The following PCDH15 variants were observed in gnomAD, a reference collection of about 807,000 sequenced individuals.
The protein encoded by PCDH15 is protocadherin related 15.
A neutral mutation model predicts 178.5 loss-of-function variants in PCDH15; 129 were observed. That is an observed-to-expected ratio of 0.72 (90% CI 0.63 to 0.84). PCDH15 has a LOEUF of 0.84. Ranked by LOEUF, PCDH15 falls within the 40% of genes least tolerant of loss-of-function variation. PCDH15 has a pLI of 0.00. For missense variants in PCDH15, 2,230 were observed against 2,099.9 expected, an observed-to-expected ratio of 1.06 and a Z score of -1.21; for synonymous variants, 800 against 732.0, an observed-to-expected ratio of 1.09 and a Z score of -1.50.
At chr10:55,612,049 T>G (rs887576413) in intron 2 of PCDH15, among the ~76,000 whole-genome samples, 2 of 151,974 alleles carry the variant, frequency 1.3e-5, no homozygotes, top group African/African-American at 4.8e-5. Flanking sequence ...AGAAGATGTA[T>G]TTGTCAAATG....
chr10:54,620,193 T>G (rs578156492), intron 2 of PCDH15, among the ~76,000 whole-genome samples: 58 of 152,082 alleles, frequency 3.8e-4, no homozygotes, highest in African/African-American at 1.4e-3. Flanking sequence ...GACCCCCAAC[T>G]CAATAACTTA....
chr10:55,460,216 T>C (rs1322722339), intron 2 of PCDH15, among the ~76,000 whole-genome samples: 2 of 151,704 alleles, frequency 1.3e-5, no homozygotes, highest in Non-Finnish European at 2.9e-5. Flanking sequence ...AATATCTTAT[T>C]AGTGGGTATT....
intron 2 of PCDH15, among the ~76,000 whole-genome samples, chr10:54,953,111 T>G (rs1838388350): frequency 6.6e-6 from 1 of 151,572 alleles, no homozygotes. Context: ...ATTAAGTACG[T>G]TAAGCATGTT....
chr10:54,046,642 G>A (rs868748271), intron 18 of PCDH15, among the ~76,000 whole-genome samples: 4 of 152,056 alleles, frequency 2.6e-5, no homozygotes, highest in African/African-American at 7.2e-5. Flanking sequence ...AATTAACATA[G>A]TGGTTAACTC....
chr10:55,295,948 AG>A (rs144634097), intron 1 of PCDH15, among the ~76,000 whole-genome samples: 2,145 of 152,238 alleles, frequency 0.014, 53 homozygotes, highest in African/African-American at 0.048. Flanking sequence ...CACAAGTCCC[AG>A]GTAGTCACTT....
intron 3 of PCDH15, among the ~76,000 whole-genome samples, chr10:54,383,980 A>C (rs1277683903): frequency 7.8e-6 from 1 of 128,908 alleles, no homozygotes; most frequent in African/African-American, 2.9e-5. Context: ...CACCACAAAC[A>C]GTTAATTTTT....
chr10:54,511,173 A>G (rs777314925), intron 3 of PCDH15, among the ~76,000 whole-genome samples: 1 of 152,178 alleles, frequency 6.6e-6, no homozygotes, highest in Non-Finnish European at 1.5e-5. Flanking sequence ...TCCTGTTAAA[A>G]TTGCTGCAGC....
intron 2 of PCDH15, among the ~76,000 whole-genome samples, chr10:55,371,507 G>T (rs1845507864): frequency 6.6e-6 from 1 of 152,082 alleles, no homozygotes; most frequent in African/African-American, 2.4e-5. Flanking sequence ...GAAGTTGATT[G>T]GATCATGGGG....
At chr10:55,178,342 T>C (rs1017608141) in intron 1 of PCDH15, among the ~76,000 whole-genome samples, 2 of 152,082 alleles carry the variant, frequency 1.3e-5, no homozygotes, top group African/African-American at 4.8e-5. Context: ...GAAATAAAAC[T>C]TCAATATTCT....
At chr10:54,075,998 A>G (rs900985153) in intron 17 of PCDH15, among the ~76,000 whole-genome samples, 1 of 152,170 alleles carries the variant, frequency 6.6e-6, no homozygotes, top group African/African-American at 2.4e-5. Flanking sequence ...TACAAATAAC[A>G]TCATTGGGAT....
chr10:55,334,368 C>T (rs911705682), intron 2 of PCDH15, among the ~76,000 whole-genome samples: 28 of 147,248 alleles, frequency 1.9e-4, no homozygotes, highest in Middle Eastern at 3.5e-3. Flanking sequence ...AGTGCAATGG[C>T]GTGATCTCGG....
chr10:55,521,699 C>T (rs1841180171), intron 2 of PCDH15, among the ~76,000 whole-genome samples: 1 of 151,848 alleles, frequency 6.6e-6, no homozygotes, highest in African/African-American at 2.4e-5. Context: ...ATTTTATTTA[C>T]ATTGGGTATA....
chr10:54,502,338 C>A (rs749716973), intron 3 of PCDH15, among the ~76,000 whole-genome samples: 4 of 152,042 alleles, frequency 2.6e-5, no homozygotes, highest in Non-Finnish European at 5.9e-5. Flanking sequence ...ATCTTTCCAG[C>A]CATTCTATTT....
At chr10:53,907,758 C>A (rs948593104) in intron 25 of PCDH15, among the ~76,000 whole-genome samples, 1 of 152,108 alleles carries the variant, frequency 6.6e-6, no homozygotes, top group Admixed American at 6.6e-5. Context: ...TAGTCAAGCT[C>A]AGGGGAAAAT....
intron 2 of PCDH15, among the ~76,000 whole-genome samples, chr10:55,444,187 G>A (rs1450590858): frequency 6.6e-6 from 1 of 151,708 alleles, no homozygotes; most frequent in African/African-American, 2.4e-5. Context: ...TAATGTAGAT[G>A]ATGGGTGGAT....
At chr10:54,312,730 C>G (rs1372730007) in intron 8 of PCDH15, among the ~76,000 whole-genome samples, 4 of 152,052 alleles carry the variant, frequency 2.6e-5, no homozygotes, top group Admixed American at 6.6e-5. Flanking sequence ...GCACCCAGCC[C>G]TCAGTTAAAG....
chr10:55,157,354 G>A (rs1340182191), intron 2 of PCDH15, among the ~76,000 whole-genome samples: 3 of 149,050 alleles, frequency 2.0e-5, no homozygotes, highest in Non-Finnish European at 4.4e-5. Context: ...TACACTGTTG[G>A]TGGGACTGTA....
At chr10:55,010,552 A>ATGACAAGAAGTCAGCCATGTCAT (rs1840025061) in intron 2 of PCDH15, among the ~76,000 whole-genome samples, 1 of 152,142 alleles carries the variant, frequency 6.6e-6, no homozygotes, top group Admixed American at 6.6e-5. Context: ...GCTTACTTGA[A>ATGACAAGAAGTCAGCCATGTCAT]TGACAAGAAG....
Position 55,503,844 on chromosome 10 carries a change from C to T in PCDH15, c.-156+123781G>A, listed in dbSNP as rs1007032485. ...TACAGCCATGTTGGAGATTCTCTGG[C>T]AACTGTTTACATAACTAAATATATT... is the stretch of plus-strand genomic sequence containing the variant. On this transcript the variant is annotated intron_variant, in intron 2 of 5. Transcript: ENST00000613346. Among the ~76,000 whole-genome samples the T allele has an allele frequency of 3.3e-5, 5 of 151,318 alleles. No individual in the cohort carries two copies. The Admixed American group carries it at 3.3e-4, about 10-fold the overall frequency.
Sources: gnomAD v4.1 joint callset for allele counts (sites outside exome capture counted in the v4.1 genomes callset) on GRCh38, gnomAD v4.1.1 for gene constraint, MANE v1.5 for transcripts, NCBI Gene and HGNC (gene_info 2026-07-23, HGNC 2026-07-21) for gene names.